NELL2: variants seen among roughly 807,000 people sequenced by gnomAD.
NELL2 encodes the protein protein kinase C-binding protein NELL2.
Under a neutral mutation model 109.6 loss-of-function variants are expected in NELL2, and 41 were observed. That is an observed-to-expected ratio of 0.37 (90% CI 0.29 to 0.49). NELL2 has a LOEUF of 0.49. Among genes scored for constraint, NELL2 ranks in the 20% least tolerant of loss-of-function variants. The pLI is 0.98. For missense variants in NELL2, 900 were observed against 1,008.3 expected, an observed-to-expected ratio of 0.89 and a Z score of 1.45; for synonymous variants, 355 against 344.7, an observed-to-expected ratio of 1.03 and a Z score of -0.33.
At chr12:44,870,749 T>C (rs190304674) in intron 2 of NELL2, among the ~76,000 whole-genome samples, 1 of 152,248 alleles carries the variant, frequency 6.6e-6, no homozygotes. Context: ...CTTCTCCCCA[T>C]TTCAAAAGAT....
intron 15 of NELL2, among the ~76,000 whole-genome samples, chr12:44,581,248 T>C (rs1944309239): frequency 6.6e-6 from 1 of 152,174 alleles, no homozygotes. Flanking sequence ...GTTTTAATTA[T>C]AGGAAAAGTA....
At chr12:44,614,242 A>C (rs1289463525) in intron 13 of NELL2, among the ~76,000 whole-genome samples, 2 of 152,008 alleles carry the variant, frequency 1.3e-5, no homozygotes, top group Non-Finnish European at 2.9e-5. Flanking sequence ...CTCTTCATCA[A>C]AAATATCAGC....
intron 3 of NELL2, among the ~76,000 whole-genome samples, chr12:44,810,090 C>A (rs1464587350): frequency 2.6e-5 from 4 of 152,056 alleles, no homozygotes; most frequent in Non-Finnish European, 1.5e-5. Context: ...CCAAATCCTA[C>A]CACTCTAGCT....
chr12:44,582,789 T>G (rs985302833), intron 15 of NELL2, among the ~76,000 whole-genome samples: 2 of 152,288 alleles, frequency 1.3e-5, no homozygotes, highest in African/African-American at 4.8e-5. Flanking sequence ...TGTTGGAAAC[T>G]GAATTTCTAA....
chr12:44,598,883 A>ACTCT (rs71459071), intron 15 of NELL2, among the ~76,000 whole-genome samples: 25 of 144,038 alleles, frequency 1.7e-4, no homozygotes, highest in Middle Eastern at 3.7e-3. Flanking sequence ...ACACACACAC[A>ACTCT]CTCTCTCTCT....
intron 9 of NELL2, among the ~76,000 whole-genome samples, chr12:44,730,130 T>C (rs1214793659): frequency 6.6e-6 from 1 of 152,118 alleles, no homozygotes; most frequent in Non-Finnish European, 1.5e-5. Flanking sequence ...AGAGCACCTA[T>C]GCATACAAAG....
At chr12:44,670,765 G>T (rs1437911183) in intron 12 of NELL2, among the ~76,000 whole-genome samples, 1 of 151,824 alleles carries the variant, frequency 6.6e-6, no homozygotes, top group Non-Finnish European at 1.5e-5. Context: ...AATTGTAATT[G>T]TATACGCACC....
At chr12:44,724,995 T>G (rs1202618933) in intron 9 of NELL2, among the ~76,000 whole-genome samples, 1 of 151,644 alleles carries the variant, frequency 6.6e-6, no homozygotes, top group African/African-American at 2.4e-5. Flanking sequence ...TCAACAAAGC[T>G]GACAAAAAAA....
chr12:44,783,231 A>C (rs1486557477), intron 3 of NELL2, among the ~76,000 whole-genome samples: 2 of 151,852 alleles, frequency 1.3e-5, no homozygotes, highest in African/African-American at 4.8e-5. Context: ...AAAACAGGTA[A>C]AGCAATACTT....
At chr12:44,733,652 T>C (rs977023511) in intron 9 of NELL2, among the ~76,000 whole-genome samples, 4 of 151,644 alleles carry the variant, frequency 2.6e-5, no homozygotes, top group Non-Finnish European at 4.4e-5. Flanking sequence ...AATGTGCATA[T>C]AGTTAACAAT....
intron 13 of NELL2, among the ~76,000 whole-genome samples, chr12:44,615,883 A>G (rs1212567795): frequency 6.6e-6 from 1 of 152,172 alleles, no homozygotes; most frequent in East Asian, 1.9e-4. Flanking sequence ...TAAGTTTTTA[A>G]AAGAAAAGGA....
At chr12:44,782,035 G>A (rs1941981325) in intron 3 of NELL2, among the ~76,000 whole-genome samples, 1 of 151,980 alleles carries the variant, frequency 6.6e-6, no homozygotes, top group Admixed American at 6.6e-5. Context: ...TCTAAAGTAT[G>A]TTTGACAACT....
At chr12:44,666,931 T>C (rs984810077) in intron 12 of NELL2, among the ~76,000 whole-genome samples, 3 of 152,194 alleles carry the variant, frequency 2.0e-5, no homozygotes, top group African/African-American at 4.8e-5. Context: ...TCTCTACTTA[T>C]AACTGCTATA....
At chr12:44,521,739 G>A (rs147046630) in intron 18 of NELL2, among the ~76,000 whole-genome samples, 1 of 152,046 alleles carries the variant, frequency 6.6e-6, no homozygotes, top group African/African-American at 2.4e-5. Flanking sequence ...TTTCTTTTGA[G>A]CTATGGAGAT....
At chr12:44,689,711 T>C (rs921372481) in intron 12 of NELL2, among the ~76,000 whole-genome samples, 2 of 152,204 alleles carry the variant, frequency 1.3e-5, no homozygotes, top group African/African-American at 4.8e-5. Context: ...TCAGAGTAAA[T>C]TTGGCAATGT....
chr12:44,790,356 A>G (rs1442278205), intron 3 of NELL2, among the ~76,000 whole-genome samples: 5 of 152,172 alleles, frequency 3.3e-5, no homozygotes, highest in Admixed American at 1.3e-4. Context: ...TCAGCCAAGA[A>G]TTTTGTATCT....
At chr12:44,608,223 T>C (rs1007816497) in intron 14 of NELL2, among the ~76,000 whole-genome samples, 3 of 152,112 alleles carry the variant, frequency 2.0e-5, no homozygotes, top group African/African-American at 4.8e-5. Context: ...GTTTTCTCTA[T>C]AGTTTTCTGG....
intron 1 of NELL2, 144 bp downstream of exon 1, chr12:44,875,671 C>T: frequency 1.3e-6 from 2 of 1,582,956 alleles, no homozygotes; most frequent in Non-Finnish European, 1.7e-6. Flanking sequence ...AAAAAAAATC[C>T]ATATCCAAAC....
At chr12:44,656,852 T>C in intron 13 of NELL2, among the ~76,000 whole-genome samples, 1 of 152,236 alleles carries the variant, frequency 6.6e-6, no homozygotes, top group Admixed American at 6.5e-5. Context: ...TATTTTTAAA[T>C]AGCTGATATG....
Sources: allele counts gnomAD v4.1 joint callset (sites outside exome capture counted in the v4.1 genomes callset), GRCh38; gene constraint gnomAD v4.1.1; transcripts MANE v1.5; gene names NCBI Gene and HGNC (gene_info 2026-07-23, HGNC 2026-07-21).